TAOK1: variants seen among roughly 807,000 people sequenced by gnomAD.
TAOK1 encodes TAO kinase 1, also known as serine/threonine-protein kinase TAO1.
TAOK1 carries 21 observed loss-of-function variants against 138.3 expected under a neutral mutation model. The ratio of observed to expected loss-of-function variants is 0.15; its 90% CI spans 0.11 to 0.22. TAOK1 has a LOEUF of 0.22. TAOK1 is among the 10% of genes least tolerant of loss of function. The pLI is 1.00. For synonymous variants in TAOK1, 361 were observed against 398.4 expected, an observed-to-expected ratio of 0.91 and a Z score of 1.12; for missense variants, 651 against 1,227.7, an observed-to-expected ratio of 0.53 and a Z score of 7.02.
At chr17:29,522,165 A>G (rs2031932353) in intron 16 of TAOK1, 115 bp from the exon 17 acceptor site, 2 of 1,346,482 alleles carry the variant, frequency 1.5e-6, no homozygotes, top group East Asian at 2.4e-5. Context: ...CTATGCAACT[A>G]TAATTGAATA....
Position 29,445,593 on chromosome 17 carries a change from A to G in TAOK1, c.-94-5862A>G, listed in dbSNP as rs2030057788. ...CCTCTGTTTATATTTCTTCTTTAGT[A>G]TGTCTAGAATGGAGTATGACAATGA... On this transcript the variant is annotated intron_variant, in intron 1 of 19. Transcript: ENST00000261716. 3.9e-5 allele frequency among the ~76,000 whole-genome samples: 6 copies of G among 152,256 alleles called. No individual in the cohort carries two copies. In the South Asian group the frequency reaches 1.2e-3, roughly 32 times the overall value.
chr17:29,491,230 A>G (rs1200454683), intron 9 of TAOK1, among the ~76,000 whole-genome samples: 1 of 152,146 alleles, frequency 6.6e-6, no homozygotes, highest in Non-Finnish European at 1.5e-5. Context: ...ACACTATATA[A>G]TAATGTGTTA....
intron 15 of TAOK1, among the ~76,000 whole-genome samples, chr17:29,516,072 C>G (rs2031808362): frequency 6.6e-6 from 1 of 151,316 alleles, no homozygotes; most frequent in African/African-American, 2.4e-5. Context: ...AGTGATTCTC[C>G]TGCCTCAGCC....
chr17:29,444,122 A>G (rs896839983), intron 1 of TAOK1, among the ~76,000 whole-genome samples: 1 of 151,926 alleles, frequency 6.6e-6, no homozygotes, highest in African/African-American at 2.4e-5. Context: ...CAGAAAAAAA[A>G]AAAGGCCTGA....
At chr17:29,406,796 G>A (rs374216335) in intron 1 of TAOK1, among the ~76,000 whole-genome samples, 1 of 152,102 alleles carries the variant, frequency 6.6e-6, no homozygotes, top group Admixed American at 6.6e-5. Flanking sequence ...TTGAACTCCC[G>A]GGCTAAAGTG....
intron 1 of TAOK1, among the ~76,000 whole-genome samples, chr17:29,448,921 G>T (rs369744953): frequency 6.6e-6 from 1 of 152,040 alleles, no homozygotes; most frequent in South Asian, 2.1e-4. Flanking sequence ...CGGTAAATGC[G>T]GCAGGATGCT....
intron 1 of TAOK1, among the ~76,000 whole-genome samples, chr17:29,394,450 C>G (rs1598461300): frequency 6.6e-6 from 1 of 152,012 alleles, no homozygotes; most frequent in African/African-American, 2.4e-5. Context: ...CAGGCTTGAG[C>G]CACCGTGCCC....
chr17:29,437,347 C>T (rs985094922), intron 1 of TAOK1, among the ~76,000 whole-genome samples: 2 of 152,018 alleles, frequency 1.3e-5, no homozygotes, highest in South Asian at 2.1e-4. Context: ...CAGGTTTGAG[C>T]CACTGTGCCT....
rs1378691902 is a variant in TAOK1 at position 29,451,427 on chromosome 17, C to T, written c.-94-28C>T. The stretch of plus-strand genomic sequence containing the variant: ...TTATTCTTAGCAGTTTTTGCCTTTT[C>T]TGACTTTTTTTTTCTATTTTTCTAC... On this transcript the variant is annotated intron_variant, in intron 1 of 19. Coordinates refer to ENST00000261716, the MANE Select transcript of TAOK1 (RefSeq NM_020791.4). 4 of 1,282,738 alleles carry T rather than the reference C, an allele frequency of 3.1e-6. No homozygotes were observed. The African/African-American group carries it at 4.5e-5, about 14-fold the overall frequency. 79.5% of individuals were successfully genotyped at this position (1,282,738 alleles called of 1,614,324 possible). A position where few individuals can be genotyped will look rare whatever the true frequency, so the allele number is the denominator to read the frequency against.
At chr17:29,407,643 C>T (rs944453808) in intron 1 of TAOK1, among the ~76,000 whole-genome samples, 3 of 150,852 alleles carry the variant, frequency 2.0e-5, no homozygotes, top group African/African-American at 7.3e-5. Flanking sequence ...GATGGGGTTT[C>T]GTCATGTTCC....
chr17:29,416,038 G>A (rs940941169), intron 1 of TAOK1, among the ~76,000 whole-genome samples: 7 of 152,094 alleles, frequency 4.6e-5, no homozygotes, highest in South Asian at 2.1e-4. Context: ...TGAGGCAGGC[G>A]GATCACCTGA....
intron 19 of TAOK1, among the ~76,000 whole-genome samples, chr17:29,540,732 G>A (rs1436830859): frequency 1.3e-5 from 2 of 152,162 alleles, no homozygotes; most frequent in South Asian, 2.1e-4. Flanking sequence ...CACCACGCCC[G>A]GCTAATTTTG....
chr17:29,517,951 G>T (rs11871221), intron 16 of TAOK1, among the ~76,000 whole-genome samples: 3,039 of 152,148 alleles, frequency 0.02, 108 homozygotes, highest in African/African-American at 0.07. Flanking sequence ...CACCTCCTGG[G>T]TGCAAGTGAT....
intron 1 of TAOK1, among the ~76,000 whole-genome samples, chr17:29,393,387 AC>A (rs757959662): frequency 3.3e-5 from 5 of 152,178 alleles, no homozygotes; most frequent in Non-Finnish European, 5.9e-5. Flanking sequence ...TGAAAAAAAA[AC>A]AACTCTCTTT....
chr17:29,537,970 G>A (rs999098428), intron 19 of TAOK1, among the ~76,000 whole-genome samples: 2 of 151,948 alleles, frequency 1.3e-5, no homozygotes, highest in East Asian at 1.9e-4. Flanking sequence ...AAATTAGCTC[G>A]GCATGGTGGT....
intron 2 of TAOK1, among the ~76,000 whole-genome samples, chr17:29,458,265 T>G (rs80140234): frequency 6.6e-6 from 1 of 152,238 alleles, no homozygotes; most frequent in Non-Finnish European, 1.5e-5. Context: ...TTTATGGATG[T>G]TTTGATTTCA....
chr17:29,431,260 A>G (rs1296236442), intron 1 of TAOK1, among the ~76,000 whole-genome samples: 4 of 152,096 alleles, frequency 2.6e-5, no homozygotes, highest in Non-Finnish European at 4.4e-5. Context: ...GGGCAACATA[A>G]CAAGACTTTG....
intron 15 of TAOK1, among the ~76,000 whole-genome samples, chr17:29,516,647 G>A (rs1021395493): frequency 3.3e-5 from 5 of 151,298 alleles, no homozygotes; most frequent in South Asian, 2.1e-4. Context: ...CATTACAGGT[G>A]TGCACCACCA....
At chr17:29,534,988 A>G (rs1033435824) in intron 19 of TAOK1, among the ~76,000 whole-genome samples, 1 of 151,210 alleles carries the variant, frequency 6.6e-6, no homozygotes, top group African/African-American at 2.4e-5. Flanking sequence ...CGATGGACAG[A>G]AGATTTTGAG....
Sources: gnomAD v4.1 joint callset for allele counts (sites outside exome capture counted in the v4.1 genomes callset) on GRCh38, gnomAD v4.1.1 for gene constraint, MANE v1.5 for transcripts, NCBI Gene and HGNC (gene_info 2026-07-23, HGNC 2026-07-21) for gene names.